The following DEUP1 variants were observed in gnomAD, a reference collection of about 807,000 sequenced individuals.
DEUP1 encodes the protein coiled-coil domain containing 67.
A neutral mutation model predicts 87.4 loss-of-function variants in DEUP1; 82 were observed. The observed-to-expected ratio is 0.94, with a 90% CI of 0.78 to 1.13. The LOEUF is 1.13. Ranked by LOEUF, DEUP1 falls within the 50% of genes most tolerant of loss-of-function variation. The pLI is 0.00. For synonymous variants in DEUP1, 214 were observed against 222.7 expected (o/e 0.96, Z 0.35); for missense variants, 663 against 681.5 (o/e 0.97, Z 0.30).
Position 93,437,713 on chromosome 11 carries a change from C to A in DEUP1, c.1809C>A (p.His603Gln). 6.3e-7 allele frequency: 1 copy of A among 1,576,824 alleles called. No individual in the cohort carries two copies. Among genetic ancestry groups the A allele is most frequent in the Non-Finnish European group, 8.7e-7 (1 of 1,151,884 alleles). ...NKYSKLKQNR[H>Q]I Reference sequence around the variant, plus strand: ...ACTCCAAGCTAAAACAAAATAGACACATATGAGCTTTTAAACTTTTTTATT... The same window carrying A: ...ACTCCAAGCTAAAACAAAATAGACAAATATGAGCTTTTAAACTTTTTTATT... Residue 603 changes from histidine (H) to glutamine (Q), a missense_variant, in exon 14 of 14, where the codon CAC (histidine) becomes CAA (glutamine). Transcript: ENST00000298050.
chr11:93,373,534 C>G (rs1018887015), intron 7 of DEUP1, among the ~76,000 whole-genome samples: 2 of 148,256 alleles, frequency 1.3e-5, no homozygotes, highest in African/African-American at 2.5e-5. Context: ...GCTGCAAATG[C>G]CATTATTTTG....
chr11:93,428,660 G>A (rs966150342), intron 13 of DEUP1, among the ~76,000 whole-genome samples: 3 of 152,000 alleles, frequency 2.0e-5, no homozygotes, highest in Non-Finnish European at 4.4e-5. Flanking sequence ...ACAATTCCAA[G>A]TTTTTAAAGT....
intron 2 of DEUP1, among the ~76,000 whole-genome samples, chr11:93,349,934 A>G (rs926063454): frequency 4.6e-5 from 7 of 152,150 alleles, no homozygotes; most frequent in Non-Finnish European, 8.8e-5. Flanking sequence ...AAAAGGGAAA[A>G]GGGTTCAGGT....
At chr11:93,365,145 C>G (rs1314530243) in intron 5 of DEUP1, among the ~76,000 whole-genome samples, 1 of 152,010 alleles carries the variant, frequency 6.6e-6, no homozygotes, top group Non-Finnish European at 1.5e-5. Context: ...CTCCCCTTGC[C>G]AGCACTTTTT....
chr11:93,404,713 C>A (rs570171667), intron 11 of DEUP1, among the ~76,000 whole-genome samples: 20 of 151,736 alleles, frequency 1.3e-4, no homozygotes, highest in Non-Finnish European at 2.8e-4. Context: ...TTTGCCATTT[C>A]AAGAATAAAG....
At chr11:93,345,209 T>A (rs1202476528) in intron 2 of DEUP1, among the ~76,000 whole-genome samples, 1 of 152,232 alleles carries the variant, frequency 6.6e-6, no homozygotes, top group East Asian at 1.9e-4. Context: ...TATGGCTGCA[T>A]AGTATTTCAT....
At chr11:93,355,889 G>A (rs1299242895) in intron 3 of DEUP1, among the ~76,000 whole-genome samples, 1 of 152,172 alleles carries the variant, frequency 6.6e-6, no homozygotes, top group Non-Finnish European at 1.5e-5. Flanking sequence ...TGTGGACAAG[G>A]CAGAGTTCAG....
At position 93,346,867 on chromosome 11, in the gene DEUP1, T is replaced by A. The variant is rs116182407; in HGVS notation, c.30-8504T>A. Reference sequence around the variant, plus strand: ...CTTAACTGTTGTTGGTGTGTAGGAATGCTAGTGACTTTTGCACAATGATTT... The same window carrying A: ...CTTAACTGTTGTTGGTGTGTAGGAAAGCTAGTGACTTTTGCACAATGATTT... On this transcript the variant is annotated intron_variant, in intron 2 of 13. Coordinates refer to ENST00000298050, the MANE Select transcript of DEUP1 (RefSeq NM_181645.4). 9.9e-3 allele frequency among the ~76,000 whole-genome samples: 1,511 copies of A among 152,292 alleles called. 25 individuals carry two copies. The highest frequency in any genetic ancestry group is 0.034 in the African/African-American group (1,421 of 41,548).
intron 13 of DEUP1, 138 bp downstream of exon 13, chr11:93,415,252 G>C (rs1947576168): frequency 6.0e-6 from 3 of 496,904 alleles, no homozygotes; most frequent in East Asian, 6.6e-5. Context: ...AGATGGGTCT[G>C]CGAGCCATTT....
rs1191282539 is a variant in DEUP1, at chr11:93,369,659, C to T, written c.433-414C>T. Among the ~76,000 whole-genome samples the T allele has an allele frequency of 9.6e-5, 5 of 52,180 alleles. 2 individuals are homozygous for T. Among genetic ancestry groups the T allele is most frequent in the African/African-American group, 3.7e-4 (5 of 13,438 alleles). 34.2% of individuals were successfully genotyped at this position (52,180 alleles called of 152,430 possible). On this transcript the variant is annotated intron_variant, in intron 5 of 13. Transcript: ENST00000298050. ...TAAAGAATGGATTTACGGCCGGGCG[C>T]GGTGGCTCACGCCTGTAATCCCAGC...
chr11:93,364,911 A>C (rs1000391022), intron 5 of DEUP1, among the ~76,000 whole-genome samples: 6 of 152,078 alleles, frequency 3.9e-5, no homozygotes, highest in African/African-American at 1.4e-4. Context: ...TTCGTTTTCC[A>C]ACCTTGGAAA....
intron 13 of DEUP1, among the ~76,000 whole-genome samples, chr11:93,428,215 A>G (rs1947990757): frequency 6.6e-6 from 1 of 152,248 alleles, no homozygotes; most frequent in African/African-American, 2.4e-5. Flanking sequence ...ACAATGATAG[A>G]CTGGATTAAG....
intron 13 of DEUP1, among the ~76,000 whole-genome samples, chr11:93,437,191 C>G (rs1948271527): frequency 6.6e-6 from 1 of 152,162 alleles, no homozygotes; most frequent in Non-Finnish European, 1.5e-5. Context: ...TTTACTTTAG[C>G]TTTTTGGAGT....
intron 7 of DEUP1, among the ~76,000 whole-genome samples, chr11:93,373,625 G>GTGTGTATATATATATATATATATA (rs796309948): frequency 4.5e-5 from 3 of 67,002 alleles, no homozygotes; most frequent in African/African-American, 1.2e-4. Flanking sequence ...ATATATATAC[G>GTGTGTATATATATATATATATATA]TATATATATA....
intron 7 of DEUP1, chr11:93,383,597 T>G (rs535153203): frequency 3.0e-6 from 2 of 672,092 alleles, no homozygotes; most frequent in East Asian, 5.5e-5. Context: ...ACACTTTAAA[T>G]GGGCGAATTT....
intron 2 of DEUP1, among the ~76,000 whole-genome samples, chr11:93,339,271 C>T (rs964454836): frequency 6.6e-6 from 1 of 152,196 alleles, no homozygotes; most frequent in African/African-American, 2.4e-5. Context: ...CACTGGCCAA[C>T]CCATAGTGCC....
At chr11:93,420,433 A>G (rs1390187570) in intron 13 of DEUP1, among the ~76,000 whole-genome samples, 2 of 152,328 alleles carry the variant, frequency 1.3e-5, no homozygotes, top group African/African-American at 4.8e-5. Flanking sequence ...AGAGCTATCT[A>G]TGACAAACCC....
intron 2 of DEUP1, among the ~76,000 whole-genome samples, chr11:93,347,490 T>C (rs1164227798): frequency 6.6e-6 from 1 of 152,180 alleles, no homozygotes; most frequent in Admixed American, 6.5e-5. Flanking sequence ...TTTTTTGTTT[T>C]ATCTCTGCCA....
intron 11 of DEUP1, among the ~76,000 whole-genome samples, chr11:93,407,978 G>T (rs1369577723): frequency 6.6e-6 from 1 of 151,958 alleles, no homozygotes; most frequent in Non-Finnish European, 1.5e-5. Context: ...TGTATGTATT[G>T]CACCATCCAA....
Sources: gnomAD v4.1 joint callset for allele counts (sites outside exome capture counted in the v4.1 genomes callset) on GRCh38, gnomAD v4.1.1 for gene constraint, MANE v1.5 for transcripts, NCBI Gene and HGNC (gene_info 2026-07-23, HGNC 2026-07-21) for gene names.